The following PPARA variants were observed in gnomAD, a reference collection of about 807,000 sequenced individuals.
PPARA encodes peroxisome proliferator-activated receptor alpha.
In PPARA, 22 loss-of-function variants were observed where a neutral mutation model predicts 42.2. That is an observed-to-expected ratio of 0.52 (90% CI 0.37 to 0.74). PPARA has a LOEUF of 0.74. Ranked by LOEUF, PPARA falls within the 30% of genes least tolerant of loss-of-function variation. The pLI, the probability that PPARA is intolerant of heterozygous loss-of-function variation, is 0.00. For missense variants in PPARA, 465 were observed against 608.2 expected, an observed-to-expected ratio of 0.76 and a Z score of 2.48; for synonymous variants, 242 against 239.3, an observed-to-expected ratio of 1.01 and a Z score of -0.10.
chr22:46,207,854 T>A (rs943161643), intron 4 of PPARA, among the ~76,000 whole-genome samples: 1 of 151,206 alleles, frequency 6.6e-6, no homozygotes, highest in Admixed American at 6.6e-5. Context: ...CAGCCAATTT[T>A]AAAAATTTTT....
Position 46,173,428 on chromosome 22 carries a change from G to A in PPARA, c.-126-3325G>A, listed in dbSNP as rs945905771. Among the ~76,000 whole-genome samples the A allele has an allele frequency of 2.0e-5, 3 of 152,160 alleles. No homozygotes were observed. The highest frequency in any genetic ancestry group is 1.3e-4 in the Admixed American group (2 of 15,268). On this transcript the variant is annotated intron_variant, in intron 2 of 8. Transcript: ENST00000407236. The surrounding 1 kb of genome is among the most constrained non-coding windows in gnomAD (Gnocchi z 4.3). Reference sequence around the variant, plus strand: ...CAGGATGGGACATGGGATATACCTCGAGTTAGAGGTTCTTATTAACTGTGG... The same window carrying A: ...CAGGATGGGACATGGGATATACCTCAAGTTAGAGGTTCTTATTAACTGTGG...
rs1315068118 is a variant in PPARA, at chr22:46,236,778, C to T, written c.*1398C>T. 1 of 152,390 alleles carries T rather than the reference C, an allele frequency of 6.6e-6. No homozygotes were observed. Among genetic ancestry groups the T allele is most frequent in the African/African-American group, 2.4e-5 (1 of 41,440 alleles). The allele number at this position is 152,390 out of a possible 1,614,324, so 9.4% of individuals were successfully genotyped here. ...AGGGGGTAGAGTCTTCTTCAAATGG[C>T]AGTTTTACTTCAAATGGCAGATTTC... On this transcript the variant is annotated 3_prime_UTR_variant, in exon 9 of 9. Coordinates refer to ENST00000407236, the MANE Select transcript of PPARA (RefSeq NM_005036.6). The surrounding 1 kb of genome is among the most constrained non-coding windows in gnomAD (Gnocchi z 5.2).
Position 46,232,340 on chromosome 22 carries a change from T to C in PPARA, c.1159+101T>C. The C allele has an allele frequency of 1.7e-6, 2 of 1,199,930 alleles. No homozygotes were observed. Among genetic ancestry groups the C allele is most frequent in the Non-Finnish European group, 2.5e-6 (2 of 808,650 alleles). 74.3% of individuals were successfully genotyped at this position (1,199,930 alleles called of 1,614,324 possible). A position where few individuals can be genotyped will look rare whatever the true frequency, so the allele number is the denominator to read the frequency against. On this transcript the variant is annotated intron_variant, in intron 8 of 8. Transcript: ENST00000407236. The surrounding 1 kb of genome is among the most constrained non-coding windows in gnomAD (Gnocchi z 5.3). ...CCAGTACCAGCCTGAGCTGTTCCAG[T>C]GGAGGGGACACTCACATGGTGGGAA... is the stretch of plus-strand genomic sequence containing the variant.
At position 46,165,233 on chromosome 22, in the gene PPARA, GCCA is replaced by G. The variant is rs1926863663; in HGVS notation, c.-126-11519_-126-11517del. 6.6e-6 allele frequency: 1 copy of G among 152,130 alleles called. No individual in the cohort carries two copies. Among genetic ancestry groups the G allele is most frequent in the South Asian group, 2.1e-4 (1 of 4,818 alleles). 9.4% of individuals were successfully genotyped at this position (152,130 alleles called of 1,614,324 possible). A position where few individuals can be genotyped will look rare whatever the true frequency, so the allele number is the denominator to read the frequency against. ...GTATTTTTAGTAGAGATGGGATTTG[GCCA>G]TGTCAGCCAGGCTGGCCTCAAACTC... On this transcript the variant is annotated intron_variant, in intron 2 of 8. Coordinates refer to ENST00000407236, the MANE Select transcript of PPARA (RefSeq NM_005036.6). This position sits in a 1 kb window ranked among gnomAD's most constrained non-coding sequence, Gnocchi z 5.5.
In PPARA at chr22:46,193,064, T is replaced by G. The variant is rs1431349919; in HGVS notation, c.-42-5278T>G. On this transcript the variant is annotated intron_variant, in intron 3 of 8. Transcript: ENST00000407236. The surrounding 1 kb of genome is among the most constrained non-coding windows in gnomAD (Gnocchi z 5.3). ...ATAAGACCCACTAGGTTTTTTGTTG[T>G]TTTGTTGTTGTTGTTGTTTTGAGAC... 6.6e-6 allele frequency among the ~76,000 whole-genome samples: 1 copy of G among 152,072 alleles called. No homozygotes were observed. Among genetic ancestry groups the G allele is most frequent in the Non-Finnish European group, 1.5e-5 (1 of 68,012 alleles).
rs1470958390 is a variant in PPARA at position 46,180,494 on chromosome 22, T to A, written c.-43+3658T>A. Reference sequence around the variant, plus strand: ...CATGTATTTTGTAAGTTCTGTAAATTCCTGTTTTCCCTGCACAGCTGCAAG... The same window carrying A: ...CATGTATTTTGTAAGTTCTGTAAATACCTGTTTTCCCTGCACAGCTGCAAG... On this transcript the variant is annotated intron_variant, in intron 3 of 8. Transcript: ENST00000407236. The surrounding 1 kb of genome is among the most constrained non-coding windows in gnomAD (Gnocchi z 4.2). 6.6e-6 allele frequency among the ~76,000 whole-genome samples: 1 copy of A among 152,200 alleles called. No individual in the cohort carries two copies. Among genetic ancestry groups the A allele is most frequent in the Non-Finnish European group, 1.5e-5 (1 of 68,030 alleles).
rs549006367 is a variant in PPARA, at chr22:46,230,402, T to C, written c.712-1390T>C. On this transcript the variant is annotated intron_variant, in intron 7 of 8. Transcript: ENST00000407236. The surrounding 1 kb of genome is among the most constrained non-coding windows in gnomAD (Gnocchi z 5.0). Reference sequence around the variant, plus strand: ...AAAAAGAAATAACACCTTAGCCCACTGCATTATTGACCTGTGTCTGCATGA... The same window carrying C: ...AAAAAGAAATAACACCTTAGCCCACCGCATTATTGACCTGTGTCTGCATGA... Among the ~76,000 whole-genome samples the C allele has an allele frequency of 6.6e-6, 1 of 152,156 alleles. No homozygotes were observed. Among genetic ancestry groups the C allele is most frequent in the African/African-American group, 2.4e-5 (1 of 41,490 alleles).
intron 7 of PPARA, among the ~76,000 whole-genome samples, chr22:46,228,997 C>T (rs1178318806): frequency 6.6e-6 from 1 of 151,500 alleles, no homozygotes; most frequent in Non-Finnish European, 1.5e-5. Context: ...GTCCCAGCTA[C>T]TGGGGAGGCT....
chr22:46,166,625 AAAAAAAC>A (rs1335515633), intron 2 of PPARA, among the ~76,000 whole-genome samples: 1 of 152,026 alleles, frequency 6.6e-6, no homozygotes, highest in Non-Finnish European at 1.5e-5. Context: ...TCTCAAAAAA[AAAAAAAC>A]AAAAAACAGT....
Position 46,167,160 on chromosome 22 carries a change from G to A in PPARA, c.-126-9593G>A, listed in dbSNP as rs996623079. On this transcript the variant is annotated intron_variant, in intron 2 of 8. Coordinates refer to ENST00000407236, the MANE Select transcript of PPARA (RefSeq NM_005036.6). The surrounding 1 kb of genome is among the most constrained non-coding windows in gnomAD (Gnocchi z 4.1). ...GATAATCTTTTCAACAAATGATACC[G>A]GAACAACTGGATAGCCATATGCAAA... Among the ~76,000 whole-genome samples, 3 of 151,858 alleles carry A rather than the reference G, an allele frequency of 2.0e-5. No homozygotes were observed. The highest frequency in any genetic ancestry group is 2.1e-4 in the South Asian group (1 of 4,818).
rs527636211 is a variant in PPARA at position 46,195,737 on chromosome 22, G to A, written c.-42-2605G>A. 6.6e-5 allele frequency among the ~76,000 whole-genome samples: 10 copies of A among 152,270 alleles called. No homozygotes were observed. The East Asian group carries it at 1.9e-3, about 29-fold the overall frequency. ...CGGTATTCTTTACTCTATCTGGAGAGTCTGGCGTTCCGTAATCACCATGTG... is the reference window on the plus strand; with the variant it reads ...CGGTATTCTTTACTCTATCTGGAGAATCTGGCGTTCCGTAATCACCATGTG... On this transcript the variant is annotated intron_variant, in intron 3 of 8. Coordinates refer to ENST00000407236, the MANE Select transcript of PPARA (RefSeq NM_005036.6). This position sits in a 1 kb window ranked among gnomAD's most constrained non-coding sequence, Gnocchi z 4.6.
rs1279499029 is a variant in PPARA at position 46,185,894 on chromosome 22, C to CAAAAAAAAAAAAAAAAAAAAAAAA, written c.-43+9058_-43+9059insAAAAAAAAAAAAAAAAAAAAAAAA. ...TGGGTGACAAAGTGAGACTCCGTCT[C>CAAAAAAAAAAAAAAAAAAAAAAAA]CAAAAAAAAAAAAAAAAAAAAAATA... On this transcript the variant is annotated intron_variant, in intron 3 of 8. Transcript: ENST00000407236. 2.9e-4 allele frequency among the ~76,000 whole-genome samples: 6 copies of CAAAAAAAAAAAAAAAAAAAAAAAA among 20,860 alleles called. 1 individual carries two copies. The highest frequency in any genetic ancestry group is 5.4e-4 in the African/African-American group (2 of 3,674). 13.7% of individuals were successfully genotyped at this position (20,860 alleles called of 152,430 possible).
chr22:46,216,724 A>G lies in PPARA; in HGVS notation c.369+1391A>G, dbSNP rs1195476487. Reference sequence around the variant, plus strand: ...TGCTGGCTCAGCCTGCCCTAAACAGATGTGACCTGGGCCAGGAGTGCATGA... The same window carrying G: ...TGCTGGCTCAGCCTGCCCTAAACAGGTGTGACCTGGGCCAGGAGTGCATGA... On this transcript the variant is annotated intron_variant, in intron 5 of 8. Coordinates refer to ENST00000407236, the MANE Select transcript of PPARA (RefSeq NM_005036.6). This position sits in a 1 kb window ranked among gnomAD's most constrained non-coding sequence, Gnocchi z 4.5. 6.6e-6 allele frequency among the ~76,000 whole-genome samples: 1 copy of G among 152,080 alleles called. No individual in the cohort carries two copies. Among genetic ancestry groups the G allele is most frequent in the Non-Finnish European group, 1.5e-5 (1 of 68,018 alleles).
At chr22:46,199,516 T>C (rs1213966122) in intron 4 of PPARA, among the ~76,000 whole-genome samples, 1 of 151,950 alleles carries the variant, frequency 6.6e-6, no homozygotes, top group Non-Finnish European at 1.5e-5. Flanking sequence ...TGGTGGTGCA[T>C]GCATGTGGTC....
In PPARA at chr22:46,232,662, A is replaced by T. The variant is rs1935956964; in HGVS notation, c.1159+423A>T. Among the ~76,000 whole-genome samples the T allele has an allele frequency of 2.0e-5, 3 of 151,666 alleles. No individual in the cohort carries two copies. Among genetic ancestry groups the T allele is most frequent in the African/African-American group, 7.3e-5 (3 of 41,312 alleles). On this transcript the variant is annotated intron_variant, in intron 8 of 8. Coordinates refer to ENST00000407236, the MANE Select transcript of PPARA (RefSeq NM_005036.6). This position sits in a 1 kb window ranked among gnomAD's most constrained non-coding sequence, Gnocchi z 5.3. Reference sequence around the variant, plus strand: ...AACAAGACCTATTTCTTTAAAAAAAAATTATATATTTTGCACAAATATATA... The same window carrying T: ...AACAAGACCTATTTCTTTAAAAAAATATTATATATTTTGCACAAATATATA...
chr22:46,193,492 C>A lies in PPARA; in HGVS notation c.-42-4850C>A, dbSNP rs1226424378. Among the ~76,000 whole-genome samples, 3 of 152,190 alleles carry A rather than the reference C, an allele frequency of 2.0e-5. No individual in the cohort carries two copies. Among genetic ancestry groups the A allele is most frequent in the Admixed American group, 2.0e-4 (3 of 15,278 alleles). ...TCAATGCTTGAGGGCACAGCTACCC[C>A]ATTCCCCATGACGTGTTTAGTTCAC... On this transcript the variant is annotated intron_variant, in intron 3 of 8. Transcript: ENST00000407236. This position sits in a 1 kb window ranked among gnomAD's most constrained non-coding sequence, Gnocchi z 5.3.
At position 46,238,845 on chromosome 22, in the gene PPARA, C is replaced by T. The variant is rs1936290564; in HGVS notation, c.*3465C>T. ...CCGGAGAACTGTGCAGGGCCTAAGGCCGTTTGGATGAATTGTCAAAACAAG... is the reference window on the plus strand; with the variant it reads ...CCGGAGAACTGTGCAGGGCCTAAGGTCGTTTGGATGAATTGTCAAAACAAG... On this transcript the variant is annotated 3_prime_UTR_variant, in exon 9 of 9. Transcript: ENST00000407236. This position sits in a 1 kb window ranked among gnomAD's most constrained non-coding sequence, Gnocchi z 8.3. The T allele has an allele frequency of 2.0e-5, 3 of 152,312 alleles. No homozygotes were observed. The highest frequency in any genetic ancestry group is 7.2e-5 in the African/African-American group (3 of 41,466). 9.4% of individuals were successfully genotyped at this position (152,312 alleles called of 1,614,324 possible). A position where few individuals can be genotyped will look rare whatever the true frequency, so the allele number is the denominator to read the frequency against.
In PPARA at chr22:46,215,222, C is replaced by A; in HGVS notation, c.258C>A (p.Val86=). The change falls in exon 5 of 9, where the codon GTC becomes GTA. Residue 86 remains valine (V), a synonymous_variant. Transcript: ENST00000407236. ...SSPSSVTYPV[V]PGSVDESPSG... is the part of the protein sequence containing the mutation. ...CCTCCTCGGTGACTTATCCTGTGGT[C>A]CCCGGCAGCGTGGACGAGTCTCCCA... 5 of 1,614,104 alleles carry A rather than the reference C, an allele frequency of 3.1e-6. No homozygotes were observed. Among genetic ancestry groups the A allele is most frequent in the South Asian group, 1.1e-5 (1 of 91,058 alleles).
In PPARA at chr22:46,161,594, GTAAA is replaced by G. The variant is rs368824490; in HGVS notation, c.-127+9641_-127+9644del. Among the ~76,000 whole-genome samples, 32 of 152,024 alleles carry G rather than the reference GTAAA, an allele frequency of 2.1e-4. No homozygotes were observed. The highest frequency in any genetic ancestry group is 1.9e-3 in the South Asian group (9 of 4,812). On this transcript the variant is annotated intron_variant, in intron 2 of 8. Coordinates refer to ENST00000407236, the MANE Select transcript of PPARA (RefSeq NM_005036.6). This position sits in a 1 kb window ranked among gnomAD's most constrained non-coding sequence, Gnocchi z 4.8. ...CGAGACTCCATCTCAAAAATAATAA[GTAAA>G]TAAATAAATAAATAAAAATTAGAAC...
Sources: allele counts gnomAD v4.1 joint callset (sites outside exome capture counted in the v4.1 genomes callset), GRCh38; gene constraint gnomAD v4.1.1; non-coding constraint Gnocchi (gnomAD v3.1); transcripts MANE v1.5; gene names NCBI Gene and HGNC (gene_info 2026-07-23, HGNC 2026-07-21).